The following EIF5B variants were observed in gnomAD, a reference collection of about 807,000 sequenced individuals.
EIF5B encodes the protein eukaryotic translation initiation factor 5B.
Under a neutral mutation model 147.5 loss-of-function variants are expected in EIF5B, and 47 were observed. That is an observed-to-expected ratio of 0.32 (90% CI 0.25 to 0.41). The LOEUF is 0.41. Among genes scored for constraint, EIF5B ranks in the 10% least tolerant of loss-of-function variants. EIF5B has a pLI of 1.00. For missense variants in EIF5B, 1,064 were observed against 1,413.2 expected, an observed-to-expected ratio of 0.75 and a Z score of 3.96; for synonymous variants, 455 against 456.2, an observed-to-expected ratio of 1.00 and a Z score of 0.03.
intron 6 of EIF5B, 136 bp downstream of exon 6, chr2:99,364,557 G>T (rs534771923): frequency 3.1e-5 from 24 of 766,344 alleles, no homozygotes; most frequent in Non-Finnish European, 4.8e-5. Flanking sequence ...TCAGTAAAAC[G>T]TAAGGAATAG....
chr2:99,394,931 T>C, intron 21 of EIF5B, 48 bp downstream of exon 21: 6 of 1,479,294 alleles, frequency 4.1e-6, no homozygotes, highest in Non-Finnish European at 5.5e-6. Flanking sequence ...ATGAACATGA[T>C]TGAGAATTAC....
intron 21 of EIF5B, among the ~76,000 whole-genome samples, chr2:99,395,554 T>C (rs1359958469): frequency 6.6e-6 from 1 of 152,192 alleles, no homozygotes; most frequent in Non-Finnish European, 1.5e-5. Context: ...AGGCTGGTCT[T>C]GAACTCCTGA....
At chr2:99,343,825 A>G (rs895272835) in intron 1 of EIF5B, among the ~76,000 whole-genome samples, 3 of 152,012 alleles carry the variant, frequency 2.0e-5, no homozygotes, top group Non-Finnish European at 4.4e-5. Context: ...AAAAATAAAA[A>G]AAAAACAAAA....
In EIF5B at chr2:99,401,102, A is replaced by AAAAG. The variant is rs1379715691; in HGVS notation, c.*1692_*1695dup. The AAAAG allele has an allele frequency of 5.9e-6, 3 of 505,678 alleles. No individual in the cohort carries two copies. Among genetic ancestry groups the AAAAG allele is most frequent in the African/African-American group, 3.8e-5 (2 of 52,570 alleles). 31.3% of individuals were successfully genotyped at this position (505,678 alleles called of 1,614,324 possible). A position where few individuals can be genotyped will look rare whatever the true frequency, so the allele number is the denominator to read the frequency against. Reference sequence around the variant, plus strand: ...ATACTGACAAATTTGGCACTTTTTGAAAAGAAATGTACAAAACACTTGCTT... The same window carrying AAAAG: ...ATACTGACAAATTTGGCACTTTTTGAAAAGAAAGAAATGTACAAAACACTTGCTT... On this transcript the variant is annotated 3_prime_UTR_variant, in exon 24 of 24. Coordinates refer to ENST00000289371, the MANE Select transcript of EIF5B (RefSeq NM_015904.4).
At chr2:99,388,170 C>T (rs1674850292) in intron 14 of EIF5B, among the ~76,000 whole-genome samples, 1 of 152,104 alleles carries the variant, frequency 6.6e-6, no homozygotes, top group African/African-American at 2.4e-5. Context: ...ACTGATTAGG[C>T]CTAGTATCTT....
chr2:99,397,049 T>G, intron 22 of EIF5B, 151 bp downstream of exon 22: 1 of 844,094 alleles, frequency 1.2e-6, no homozygotes, highest in Non-Finnish European at 1.7e-6. Flanking sequence ...GTTTCAGTGT[T>G]TTTACCTCAG....
chr2:99,389,327 AAT>A (rs1184182242), intron 14 of EIF5B, among the ~76,000 whole-genome samples: 2 of 152,206 alleles, frequency 1.3e-5, no homozygotes, highest in African/African-American at 2.4e-5. Context: ...TCCCTTAGAA[AAT>A]ATATATTTTT....
rs1450087919 is a variant in EIF5B, at chr2:99,400,396, T to C, written c.*982T>C. ...CTTAATGATTCATTCGTAGTAGTAA[T>C]CTGTAGCTAGTTTTAGGGTTTTGCT... On this transcript the variant is annotated 3_prime_UTR_variant, in exon 24 of 24. Coordinates refer to ENST00000289371, the MANE Select transcript of EIF5B (RefSeq NM_015904.4). The C allele has an allele frequency of 1.3e-5, 2 of 152,242 alleles. No individual in the cohort carries two copies. Among genetic ancestry groups the C allele is most frequent in the African/African-American group, 4.8e-5 (2 of 41,464 alleles). The allele number at this position is 152,242 out of a possible 1,614,324, so 9.4% of individuals were successfully genotyped here. A position where few individuals can be genotyped will look rare whatever the true frequency, so the allele number is the denominator to read the frequency against.
At chr2:99,338,423 G>A in intron 1 of EIF5B, 1 of 987,098 alleles carries the variant, frequency 1.0e-6, no homozygotes, top group Non-Finnish European at 1.4e-6. Flanking sequence ...TACATTACAC[G>A]TTCGTACACT....
At chr2:99,347,369 AT>A (rs1224688533) in intron 1 of EIF5B, among the ~76,000 whole-genome samples, 3 of 152,216 alleles carry the variant, frequency 2.0e-5, no homozygotes, top group African/African-American at 7.2e-5. Flanking sequence ...AATCTGCAGT[AT>A]TGATTTGAAA....
At chr2:99,365,052 A>G (rs1424887003) in intron 6 of EIF5B, among the ~76,000 whole-genome samples, 1 of 152,196 alleles carries the variant, frequency 6.6e-6, no homozygotes, top group Non-Finnish European at 1.5e-5. Context: ...TTTGAAAGGT[A>G]AGGTGATTTA....
chr2:99,359,440 G>A (rs1051734405), intron 1 of EIF5B, among the ~76,000 whole-genome samples: 3 of 152,010 alleles, frequency 2.0e-5, no homozygotes, highest in African/African-American at 7.2e-5. Context: ...CCATTATAAA[G>A]GCCACATTAC....
rs905929545 is a variant in EIF5B, at chr2:99,391,594, A to G, written c.2748+889A>G. 4.6e-5 allele frequency among the ~76,000 whole-genome samples: 7 copies of G among 152,158 alleles called. No homozygotes were observed. The South Asian group carries it at 6.2e-4, about 14-fold the overall frequency. The stretch of plus-strand genomic sequence containing the variant: ...CCCCTGACCTTTCATAGAGTTAACC[A>G]TGGTTGCATTTTATGACAGTAACAA... On this transcript the variant is annotated intron_variant, in intron 17 of 23. Transcript: ENST00000289371.
chr2:99,344,788 C>G (rs1040234496), intron 1 of EIF5B, among the ~76,000 whole-genome samples: 7 of 152,170 alleles, frequency 4.6e-5, no homozygotes, highest in African/African-American at 1.7e-4. Context: ...TGAAAAATTT[C>G]AAACACATAC....
rs534222799 is a variant in EIF5B at position 99,362,872 on chromosome 2, T to C, written c.920-773T>C. ...TTTACAGGTTCGAGTGATTCTCCTG[T>C]CTCAGCCTCCCAAGTAGCTGGGATT... is the stretch of plus-strand genomic sequence containing the variant. On this transcript the variant is annotated intron_variant, in intron 4 of 23. Coordinates refer to ENST00000289371, the MANE Select transcript of EIF5B (RefSeq NM_015904.4). 3.3e-5 allele frequency among the ~76,000 whole-genome samples: 5 copies of C among 151,430 alleles called. 1 individual carries two copies. In the South Asian group the frequency reaches 1.1e-3, roughly 32 times the overall value.
intron 1 of EIF5B, among the ~76,000 whole-genome samples, chr2:99,339,006 A>AAATATATATATATATATACATTTT (rs1559240279): frequency 7.3e-6 from 1 of 137,204 alleles, no homozygotes. Context: ...ATATATATAC[A>AAATATATATATATATATACATTTT]TTTTTTTTTT....
At chr2:99,385,337 G>A (rs956835745) in intron 14 of EIF5B, among the ~76,000 whole-genome samples, 2 of 152,150 alleles carry the variant, frequency 1.3e-5, no homozygotes, top group Non-Finnish European at 2.9e-5. Flanking sequence ...GAGCCACTGC[G>A]CCCAGCCAAT....
rs1044412549 is a variant in EIF5B at position 99,399,118 on chromosome 2, T to C, written c.3556-189T>C. 10 of 775,086 alleles carry C rather than the reference T, an allele frequency of 1.3e-5. No individual in the cohort carries two copies. The South Asian group carries it at 1.5e-4, about 12-fold the overall frequency. The allele number at this position is 775,086 out of a possible 1,614,324, so 48.0% of individuals were successfully genotyped here. On this transcript the variant is annotated intron_variant, in intron 23 of 23. Transcript: ENST00000289371. Reference sequence around the variant, plus strand: ...GCACCAACAGAGAAAGCTAGGACTTTTAGGTCCCCTCGTGCCTGACATGCA... The same window carrying C: ...GCACCAACAGAGAAAGCTAGGACTTCTAGGTCCCCTCGTGCCTGACATGCA...
At chr2:99,342,634 CCTT>C (rs1429133555) in intron 1 of EIF5B, among the ~76,000 whole-genome samples, 1 of 151,108 alleles carries the variant, frequency 6.6e-6, no homozygotes, top group African/African-American at 2.4e-5. Flanking sequence ...CTCCTTTTCT[CCTT>C]CCTTTCTGTT....
Sources: gnomAD v4.1 joint callset for allele counts (sites outside exome capture counted in the v4.1 genomes callset) on GRCh38, gnomAD v4.1.1 for gene constraint, MANE v1.5 for transcripts, NCBI Gene and HGNC (gene_info 2026-07-23, HGNC 2026-07-21) for gene names.